ZBTB7C: variants seen among roughly 807,000 people sequenced by gnomAD.
The protein encoded by ZBTB7C is zinc finger and BTB domain containing 7C.
ZBTB7C carries 8 observed loss-of-function variants against 25.7 expected under a neutral mutation model. That is an observed-to-expected ratio of 0.31 (90% confidence interval 0.18 to 0.56). The LOEUF is 0.56. Among genes scored for constraint, ZBTB7C ranks in the 20% least tolerant of loss-of-function variants. ZBTB7C has a pLI of 0.91. For missense variants in ZBTB7C, 824 were observed against 855.2 expected (o/e 0.96, Z 0.46); for synonymous variants, 394 against 369.0 (o/e 1.07, Z -0.78).
intron 2 of ZBTB7C, among the ~76,000 whole-genome samples, chr18:48,213,853 G>A (rs532414273): frequency 2.6e-5 from 4 of 152,318 alleles, no homozygotes; most frequent in Admixed American, 6.5e-5. Context: ...TCTCTGGGCC[G>A]AGCTTTCATG....
At chr18:48,362,721 A>G (rs1172569122) in intron 1 of ZBTB7C, among the ~76,000 whole-genome samples, 1 of 151,988 alleles carries the variant, frequency 6.6e-6, no homozygotes, top group South Asian at 2.1e-4. Flanking sequence ...AACAAGACGC[A>G]TGGGTTAGTT....
intron 2 of ZBTB7C, among the ~76,000 whole-genome samples, chr18:48,239,857 C>A (rs1336111143): frequency 2.0e-5 from 3 of 151,976 alleles, no homozygotes; most frequent in Non-Finnish European, 2.9e-5. Flanking sequence ...TGGATCCAAA[C>A]CAAGAAGAAA....
intron 2 of ZBTB7C, among the ~76,000 whole-genome samples, chr18:48,263,020 T>G (rs986210188): frequency 6.6e-6 from 1 of 152,228 alleles, no homozygotes; most frequent in Non-Finnish European, 1.5e-5. Flanking sequence ...CTGGCCCAGG[T>G]TGCTCATAAC....
At position 48,351,270 on chromosome 18, in the gene ZBTB7C, G is replaced by A. The variant is rs59063171; in HGVS notation, c.-303-12872C>T. Among the ~76,000 whole-genome samples the A allele has an allele frequency of 7.9e-3, 1,204 of 152,190 alleles. 15 individuals are homozygous for A. Among genetic ancestry groups the A allele is most frequent in the African/African-American group, 0.028 (1,147 of 41,500 alleles). On this transcript the variant is annotated intron_variant, in intron 1 of 4. Coordinates refer to ENST00000590800, the MANE Select transcript of ZBTB7C (RefSeq NM_001318841.2). ...CGTGTTTATTCCAGGGATGAACCCA[G>A]GAAGCCCTTGAGGATTGCTGCCACT...
Position 48,100,403 on chromosome 18 carries a change from C to T in ZBTB7C, c.-16-59280G>A, listed in dbSNP as rs568003603. On this transcript the variant is annotated intron_variant, in intron 3 of 4. Transcript: ENST00000590800. ...AATTCTAGGCATCTTATTATTCTCC[C>T]GCTCCCTTTCCAGTTCTGACCTTAA... 1.6e-4 allele frequency among the ~76,000 whole-genome samples: 25 copies of T among 152,236 alleles called. No homozygotes were observed. In the South Asian group the frequency reaches 4.6e-3, roughly 28 times the overall value.
chr18:48,248,997 A>G (rs1184175567), intron 2 of ZBTB7C, among the ~76,000 whole-genome samples: 4 of 152,278 alleles, frequency 2.6e-5, no homozygotes, highest in African/African-American at 9.6e-5. Context: ...ACAGAAAATT[A>G]TATACAATAT....
chr18:48,142,632 G>T (rs1317678203), intron 3 of ZBTB7C, among the ~76,000 whole-genome samples: 1 of 152,158 alleles, frequency 6.6e-6, no homozygotes, highest in Non-Finnish European at 1.5e-5. Context: ...CCAGGCAGGA[G>T]CTTCAGCTAA....
At chr18:48,392,020 CCT>C (rs933391082) in intron 1 of ZBTB7C, among the ~76,000 whole-genome samples, 3 of 152,214 alleles carry the variant, frequency 2.0e-5, no homozygotes, top group African/African-American at 4.8e-5. Context: ...ACCTACTTCT[CCT>C]CTCTCTGGCA....
At chr18:48,197,530 AGGG>A (rs2042345631) in intron 2 of ZBTB7C, among the ~76,000 whole-genome samples, 1 of 152,204 alleles carries the variant, frequency 6.6e-6, no homozygotes, top group African/African-American at 2.4e-5. Context: ...TTGGTCAGCT[AGGG>A]CTGCTGTCAC....
intron 1 of ZBTB7C, among the ~76,000 whole-genome samples, chr18:48,358,391 C>T (rs1000511366): frequency 6.6e-6 from 1 of 152,090 alleles, no homozygotes; most frequent in Non-Finnish European, 1.5e-5. Context: ...TCTGCCCTGT[C>T]TCTCTTGCTC....
intron 2 of ZBTB7C, among the ~76,000 whole-genome samples, chr18:48,283,148 T>G (rs1342403459): frequency 1.3e-5 from 2 of 152,172 alleles, no homozygotes; most frequent in African/African-American, 4.8e-5. Flanking sequence ...CTTAAAAAAT[T>G]TCATATCCTT....
intron 4 of ZBTB7C, among the ~76,000 whole-genome samples, chr18:48,037,998 G>T (rs1209295777): frequency 2.0e-5 from 3 of 152,188 alleles, no homozygotes; most frequent in Non-Finnish European, 4.4e-5. Context: ...CGGTATTCCT[G>T]TGCTTTTGCC....
chr18:48,047,080 G>T (rs1253071945), intron 3 of ZBTB7C, among the ~76,000 whole-genome samples: 9 of 152,168 alleles, frequency 5.9e-5, no homozygotes, highest in Non-Finnish European at 8.8e-5. Context: ...GCAGGGATTG[G>T]GAGGGGTGAG....
chr18:48,218,209 C>T (rs895718774), intron 2 of ZBTB7C, among the ~76,000 whole-genome samples: 1 of 152,192 alleles, frequency 6.6e-6, no homozygotes, highest in East Asian at 1.9e-4. Flanking sequence ...CCACCCTCAC[C>T]CCAGGCCTGC....
chr18:48,080,887 G>A (rs1730386058), intron 3 of ZBTB7C, among the ~76,000 whole-genome samples: 2 of 152,320 alleles, frequency 1.3e-5, no homozygotes, highest in South Asian at 4.1e-4. Flanking sequence ...ACTGTAGAGA[G>A]CCCGGGCAAG....
chr18:48,289,901 C>T (rs945721360), intron 2 of ZBTB7C, among the ~76,000 whole-genome samples: 8 of 152,092 alleles, frequency 5.3e-5, no homozygotes, highest in Non-Finnish European at 1.2e-4. Flanking sequence ...ACAGATACAA[C>T]GTGGATTCTC....
At chr18:48,049,512 G>A (rs1035612935) in intron 3 of ZBTB7C, among the ~76,000 whole-genome samples, 1 of 152,180 alleles carries the variant, frequency 6.6e-6, no homozygotes, top group African/African-American at 2.4e-5. Flanking sequence ...AATGAGATTG[G>A]TTCAAATAAA....
At chr18:48,271,123 CACT>C (rs1385677076) in intron 2 of ZBTB7C, among the ~76,000 whole-genome samples, 3 of 152,152 alleles carry the variant, frequency 2.0e-5, no homozygotes, top group Non-Finnish European at 4.4e-5. Flanking sequence ...TCCTCAAAGG[CACT>C]AGACCAAGAA....
At chr18:48,041,760 TA>T in intron 3 of ZBTB7C, among the ~76,000 whole-genome samples, 1 of 152,028 alleles carries the variant, frequency 6.6e-6, no homozygotes. Flanking sequence ...AAAAAAACAC[TA>T]ACTTCCTATA....
Sources: gnomAD v4.1 joint callset for allele counts (sites outside exome capture counted in the v4.1 genomes callset) on GRCh38, gnomAD v4.1.1 for gene constraint, MANE v1.5 for transcripts, NCBI Gene and HGNC (gene_info 2026-07-23, HGNC 2026-07-21) for gene names.